ABHD4: variants seen among roughly 807,000 people sequenced by gnomAD.
The protein encoded by ABHD4 is (Lyso)-N-acylphosphatidylethanolamine lipase.
In ABHD4, 35 loss-of-function variants were observed where a neutral mutation model predicts 42.3. The observed-to-expected ratio is 0.83, with a 90% CI of 0.63 to 1.10. The LOEUF is 1.10. ABHD4 is among the 50% of genes least tolerant of loss of function. ABHD4 has a pLI of 0.00. For missense variants in ABHD4, 389 were observed against 454.8 expected, an observed-to-expected ratio of 0.86 and a Z score of 1.32; for synonymous variants, 169 against 170.6, an observed-to-expected ratio of 0.99 and a Z score of 0.07.
chr14:22,604,798 CG>C (rs991789285), intron 4 of ABHD4, among the ~76,000 whole-genome samples: 6 of 151,892 alleles, frequency 4.0e-5, no homozygotes, highest in Non-Finnish European at 7.4e-5. Context: ...TCAGTAGAGA[CG>C]GGGTTTCACC....
chr14:22,610,167 T>C (rs939289625), intron 6 of ABHD4, among the ~76,000 whole-genome samples: 4 of 152,078 alleles, frequency 2.6e-5, no homozygotes, highest in Non-Finnish European at 5.9e-5. Flanking sequence ...AAGCGATTCT[T>C]CTGCCTCAGC....
chr14:22,604,482 C>T (rs957730081), intron 4 of ABHD4, among the ~76,000 whole-genome samples: 1 of 152,186 alleles, frequency 6.6e-6, no homozygotes, highest in African/African-American at 2.4e-5. Context: ...GATCTGACCT[C>T]GTGATCCGCC....
Position 22,600,829 on chromosome 14 carries a change from GGGGTGTGTGTGTGTGTGT to G in ABHD4, c.24-836_24-819del, listed in dbSNP as rs1394133740. On this transcript the variant is annotated intron_variant, in intron 1 of 6. Coordinates refer to ENST00000428304, the MANE Select transcript of ABHD4 (RefSeq NM_022060.3). ...AACACTATGATTCACGTCCAGCAGG[GGGGTGTGTGTGTGTGTGT>G]GTGTGTGTGTGTGTGTGTGTGTGTG... Among the ~76,000 whole-genome samples, 238 of 125,220 alleles carry G rather than the reference GGGGTGTGTGTGTGTGTGT, an allele frequency of 1.9e-3. 5 individuals are homozygous for G. In the South Asian group the frequency reaches 0.057, roughly 30 times the overall value. 82.1% of individuals were successfully genotyped at this position (125,220 alleles called of 152,430 possible).
intron 1 of ABHD4, chr14:22,600,019 G>C (rs1483286380): frequency 3.4e-6 from 1 of 289,956 alleles, no homozygotes; most frequent in East Asian, 9.8e-5. Context: ...ATTTAGCTGG[G>C]GGGAAAGAAA....
Position 22,600,075 on chromosome 14 carries a change from G to A in ABHD4, c.24-1592G>A, listed in dbSNP as rs151203312. ...AGGCAATATTCTATGTGCTTTAGAT[G>A]CATTAACACTTTTAATCTTTATAGC... is the stretch of plus-strand genomic sequence containing the variant. On this transcript the variant is annotated intron_variant, in intron 1 of 6. Coordinates refer to ENST00000428304, the MANE Select transcript of ABHD4 (RefSeq NM_022060.3). 1,056 of 419,402 alleles carry A rather than the reference G, an allele frequency of 2.5e-3. 5 individuals are homozygous for A. Among genetic ancestry groups the A allele is most frequent in the African/African-American group, 0.02 (985 of 48,948 alleles). The allele number at this position is 419,402 out of a possible 1,614,324, so 26.0% of individuals were successfully genotyped here. A position where few individuals can be genotyped will look rare whatever the true frequency, so the allele number is the denominator to read the frequency against.
At chr14:22,602,202 C>G (rs2037293425) in intron 2 of ABHD4, among the ~76,000 whole-genome samples, 1 of 152,142 alleles carries the variant, frequency 6.6e-6, no homozygotes, top group Non-Finnish European at 1.5e-5. Flanking sequence ...TTTTGGCCCC[C>G]CACCTATCTG....
chr14:22,605,756 T>G, intron 4 of ABHD4: 1 of 1,249,674 alleles, frequency 8.0e-7, no homozygotes, highest in South Asian at 1.2e-5. Flanking sequence ...ACCCAGCCCC[T>G]TCTTACCTCC....
Position 22,603,486 on chromosome 14 carries a change from C to G in ABHD4, c.209C>G (p.Pro70Arg). The change falls in exon 3 of 7, where the codon CCC (proline) becomes CGC (arginine). Residue 70 changes from proline to arginine, a missense_variant. Pro to Arg is a moderately radical substitution (Grantham distance 103). This residue lies in a region of ABHD4 where 102 missense variants were observed against 128.3 expected (regional missense o/e 0.80). Transcript: ENST00000428304. ...TVSPEQNDRT[P>R]LVMVHGFGGG... ...AGCCCCGAGCAAAACGACCGCACCC[C>G]CTTGGTGATGGTGCATGGTTTTGGG... The G allele has an allele frequency of 3.7e-6, 6 of 1,614,178 alleles. No individual in the cohort carries two copies. The highest frequency in any genetic ancestry group is 5.1e-6 in the Non-Finnish European group (6 of 1,180,024).
At chr14:22,607,407 C>T (rs534632846) in intron 5 of ABHD4, among the ~76,000 whole-genome samples, 2 of 152,240 alleles carry the variant, frequency 1.3e-5, no homozygotes, top group South Asian at 4.1e-4. Flanking sequence ...AGCTTACTGC[C>T]CTACTCCTTT....
At chr14:22,609,295 G>A (rs940434566) in intron 5 of ABHD4, among the ~76,000 whole-genome samples, 1 of 151,236 alleles carries the variant, frequency 6.6e-6, no homozygotes, top group African/African-American at 2.4e-5. Context: ...ACCGTGCCCA[G>A]CCCAAGAAAT....
chr14:22,598,435 T>C, intron 1 of ABHD4, 106 bp downstream of exon 1: 3 of 1,365,354 alleles, frequency 2.2e-6, no homozygotes, highest in Non-Finnish European at 1.9e-6. Context: ...CCGCTCTTCC[T>C]TTTCCAGGTC....
chr14:22,606,367 C>G (rs964340842), intron 4 of ABHD4, 55 bp from the exon 5 acceptor site: 54 of 1,216,360 alleles, frequency 4.4e-5, no homozygotes, highest in Non-Finnish European at 6.4e-5. Context: ...AGGCAGGAGT[C>G]TTCCCTGCCC....
chr14:22,603,870 A>G, intron 3 of ABHD4, 55 bp from the exon 4 acceptor site: 12 of 1,602,296 alleles, frequency 7.5e-6, no homozygotes, highest in Non-Finnish European at 1.0e-5. Flanking sequence ...TTAAGGGGCT[A>G]TGGCAACTAC....
chr14:22,601,619 T>C, intron 1 of ABHD4, 48 bp from the exon 2 acceptor site: 1 of 1,536,470 alleles, frequency 6.5e-7, no homozygotes, highest in Non-Finnish European at 9.0e-7. Flanking sequence ...AGAGCATCAA[T>C]GTTTCTTTCC....
intron 4 of ABHD4, 123 bp downstream of exon 4, chr14:22,604,202 C>A (rs1006296804): frequency 1.8e-6 from 2 of 1,126,000 alleles, no homozygotes; most frequent in Non-Finnish European, 2.5e-6. Flanking sequence ...AGCTGTTAAT[C>A]TGAACCAGAT....
chr14:22,598,554 G>C, intron 1 of ABHD4: 1 of 1,332,516 alleles, frequency 7.5e-7, no homozygotes, highest in Non-Finnish European at 1.0e-6. Context: ...CCGCAGCCCG[G>C]GGATCCTGGC....
intron 2 of ABHD4, among the ~76,000 whole-genome samples, chr14:22,602,166 T>G (rs1266644061): frequency 6.6e-6 from 1 of 152,160 alleles, no homozygotes; most frequent in Non-Finnish European, 1.5e-5. Context: ...CATTCTCTGA[T>G]GTTACTATTC....
At chr14:22,603,085 T>C (rs190274804) in intron 2 of ABHD4, among the ~76,000 whole-genome samples, 18 of 151,898 alleles carry the variant, frequency 1.2e-4, no homozygotes, top group Admixed American at 5.9e-4. Context: ...GAATTCTTAC[T>C]AACTGATGTA....
chr14:22,607,345 G>A (rs974420192), intron 5 of ABHD4, among the ~76,000 whole-genome samples: 1 of 152,122 alleles, frequency 6.6e-6, no homozygotes, highest in Non-Finnish European at 1.5e-5. Flanking sequence ...CTGATACCAC[G>A]AGGCCATGTT....
Sources: gnomAD v4.1 joint callset for allele counts (sites outside exome capture counted in the v4.1 genomes callset) on GRCh38, gnomAD v4.1.1 for gene constraint, gnomAD v4.1.1 regional missense constraint, MANE v1.5 for transcripts, NCBI Gene and HGNC (gene_info 2026-07-23, HGNC 2026-07-21) for gene names.